The following CRADD variants were observed in gnomAD, a reference collection of about 807,000 sequenced individuals.
CRADD encodes death domain-containing protein CRADD.
In CRADD, 9 loss-of-function variants were observed where a neutral mutation model predicts 15.5. The ratio of observed to expected loss-of-function variants is 0.58; its 90% confidence interval spans 0.35 to 1.01. The LOEUF (loss-of-function observed/expected upper bound fraction) is 1.01, where lower values mean the gene tolerates loss of function less well. Among genes scored for constraint, CRADD ranks in the 50% least tolerant of loss-of-function variants. The pLI, the probability that CRADD is intolerant of heterozygous loss-of-function variation, is 0.02. For synonymous variants in CRADD, 118 were observed against 107.6 expected (o/e 1.10, Z -0.60); for missense variants, 227 against 250.3 (o/e 0.91, Z 0.63).
chr12:93,819,076 A>G (rs1047804039), intron 2 of CRADD, among the ~76,000 whole-genome samples: 1 of 152,256 alleles, frequency 6.6e-6, no homozygotes, highest in Non-Finnish European at 1.5e-5. Context: ...TGTGACAGAT[A>G]AAAGTATATT....
chr12:93,756,829 C>T (rs1018046747), intron 2 of CRADD, among the ~76,000 whole-genome samples: 1 of 152,164 alleles, frequency 6.6e-6, no homozygotes, highest in African/African-American at 2.4e-5. Flanking sequence ...GTGCAGGACA[C>T]ACAACCTCCT....
At chr12:93,702,446 T>C (rs1399710964) in intron 2 of CRADD, among the ~76,000 whole-genome samples, 1 of 152,012 alleles carries the variant, frequency 6.6e-6, no homozygotes, top group Non-Finnish European at 1.5e-5. Context: ...TTAGTTGACA[T>C]AGAGACATTC....
chr12:93,829,608 C>A (rs1195982191), intron 2 of CRADD, among the ~76,000 whole-genome samples: 1 of 152,222 alleles, frequency 6.6e-6, no homozygotes, highest in Non-Finnish European at 1.5e-5. Flanking sequence ...CCATTGCTAC[C>A]ACTGTGCAGC....
chr12:93,704,833 G>C (rs940514185), intron 2 of CRADD, among the ~76,000 whole-genome samples: 1 of 152,104 alleles, frequency 6.6e-6, no homozygotes, highest in Admixed American at 6.6e-5. Context: ...CACTCCAGTC[G>C]GCCAAGTCAG....
At chr12:93,820,641 A>C (rs1225416223) in intron 2 of CRADD, among the ~76,000 whole-genome samples, 1 of 152,062 alleles carries the variant, frequency 6.6e-6, no homozygotes, top group African/African-American at 2.4e-5. Flanking sequence ...AGATTTCCCC[A>C]TCGCTTGCCA....
At chr12:93,874,738 C>T (rs1958446891) in intron 2 of CRADD, among the ~76,000 whole-genome samples, 1 of 151,968 alleles carries the variant, frequency 6.6e-6, no homozygotes, top group South Asian at 2.1e-4. Flanking sequence ...CAAAATTCCT[C>T]TTGTTATTGA....
At chr12:93,803,630 G>A (rs1957500189) in intron 2 of CRADD, among the ~76,000 whole-genome samples, 1 of 152,150 alleles carries the variant, frequency 6.6e-6, no homozygotes, top group South Asian at 2.1e-4. Flanking sequence ...ATTCTGAGAA[G>A]CAGAAGTCTC....
chr12:93,850,242 C>A lies in CRADD; in HGVS notation c.571C>A (p.Pro191Thr). The change falls in exon 3 of 3, where the codon CCC (proline) becomes ACC (threonine). Residue 191 changes from proline to threonine, a missense_variant. Coordinates refer to ENST00000332896, the MANE Select transcript of CRADD (RefSeq NM_003805.5). This position sits in a 1 kb window ranked among gnomAD's most constrained non-coding sequence, Gnocchi z 4.0. ...HNGLRAVEVD[P>T]SLLLHMLE ...CGGGCTGCGGGCTGTGGAGGTGGAC[C>A]CCTCGCTGCTCCTGCACATGTTGGA... 3.7e-6 allele frequency: 6 copies of A among 1,606,122 alleles called. No homozygotes were observed. Among genetic ancestry groups the A allele is most frequent in the Non-Finnish European group, 5.1e-6 (6 of 1,175,948 alleles).
chr12:93,774,831 G>A (rs1260251240), intron 2 of CRADD, among the ~76,000 whole-genome samples: 1 of 152,178 alleles, frequency 6.6e-6, no homozygotes, highest in African/African-American at 2.4e-5. Flanking sequence ...CCTAAGGAAG[G>A]TGTCAAATAT....
chr12:93,707,075 T>C (rs183382284), intron 2 of CRADD, among the ~76,000 whole-genome samples: 1 of 152,302 alleles, frequency 6.6e-6, no homozygotes, highest in East Asian at 1.9e-4. Context: ...GGATACCCAT[T>C]CAAAGTCATC....
Position 93,704,496 on chromosome 12 carries a change from A to G in CRADD, c.298+25424A>G, listed in dbSNP as rs74653581. On this transcript the variant is annotated intron_variant, in intron 2 of 2. Coordinates refer to ENST00000332896, the MANE Select transcript of CRADD (RefSeq NM_003805.5). ...CTGTACCTACCCTCTTTCCTTCTGT[A>G]TATTCCATTAGCAAGTCTTCTACAA... Among the ~76,000 whole-genome samples, 1,250 of 152,194 alleles carry G rather than the reference A, an allele frequency of 8.2e-3. 11 individuals are homozygous for G. Among genetic ancestry groups the G allele is most frequent in the African/African-American group, 0.028 (1,173 of 41,510 alleles).
intron 2 of CRADD, chr12:93,709,002 A>G (rs1313155750): frequency 6.6e-6 from 1 of 152,256 alleles, no homozygotes; most frequent in Non-Finnish European, 1.5e-5. Context: ...GGCTTCTTTT[A>G]TATGGGTACC....
intron 2 of CRADD, among the ~76,000 whole-genome samples, chr12:93,692,590 GA>G (rs202123665): frequency 1.0e-4 from 15 of 150,002 alleles, no homozygotes; most frequent in African/African-American, 2.4e-4. Context: ...AATGTTGATG[GA>G]AAAAAAAAAT....
At chr12:93,864,420 T>C (rs4275668) in intron 2 of CRADD, among the ~76,000 whole-genome samples, 56,832 of 152,080 alleles carry the variant, frequency 0.37, 11,546 homozygotes, top group Middle Eastern at 0.48. Flanking sequence ...GGAATGTCTG[T>C]GCAAGTACAC....
intron 2 of CRADD, among the ~76,000 whole-genome samples, chr12:93,756,277 G>A (rs1956889018): frequency 6.6e-6 from 1 of 152,144 alleles, no homozygotes; most frequent in Non-Finnish European, 1.5e-5. Context: ...AATAATAAAT[G>A]TTCAATAAAT....
intron 2 of CRADD, among the ~76,000 whole-genome samples, chr12:93,756,041 TG>T (rs1171490124): frequency 6.6e-6 from 1 of 152,170 alleles, no homozygotes; most frequent in Non-Finnish European, 1.5e-5. Flanking sequence ...TTATTGAGCA[TG>T]GTTTAAAATT....
At chr12:93,773,804 A>C (rs989646278) in intron 2 of CRADD, among the ~76,000 whole-genome samples, 2 of 126,190 alleles carry the variant, frequency 1.6e-5, no homozygotes, top group African/African-American at 6.1e-5. Flanking sequence ...AGCCATACCT[A>C]CTTTGTGAGT....
chr12:93,679,821 A>T (rs1955241827), intron 2 of CRADD, among the ~76,000 whole-genome samples: 1 of 152,182 alleles, frequency 6.6e-6, no homozygotes, highest in Admixed American at 6.5e-5. Flanking sequence ...GGTCAGATTC[A>T]TGGAGGAGGA....
intron 2 of CRADD, among the ~76,000 whole-genome samples, chr12:93,688,446 T>C (rs1955486913): frequency 6.7e-6 from 1 of 148,926 alleles, no homozygotes; most frequent in South Asian, 2.1e-4. Context: ...GAGGTTGCAA[T>C]GAGTCGAGAG....
Sources: allele counts gnomAD v4.1 joint callset (sites outside exome capture counted in the v4.1 genomes callset), GRCh38; gene constraint gnomAD v4.1.1; non-coding constraint Gnocchi (gnomAD v3.1); transcripts MANE v1.5; gene names NCBI Gene and HGNC (gene_info 2026-07-23, HGNC 2026-07-21).